The following ZNF804B variants were observed in gnomAD, a reference collection of about 807,000 sequenced individuals.
ZNF804B encodes zinc finger protein 804B.
In ZNF804B, 80 loss-of-function variants were observed where a neutral mutation model predicts 101.4. The observed-to-expected ratio is 0.79, with a 90% CI of 0.66 to 0.95. ZNF804B has a LOEUF of 0.95. Ranked by LOEUF, ZNF804B falls within the 40% of genes least tolerant of loss-of-function variation. The probability of loss-of-function intolerance (pLI) is 0.00; values close to 1 mark genes in which losing one functional copy is unlikely to be tolerated. For synonymous variants in ZNF804B, 622 were observed against 558.8 expected, an observed-to-expected ratio of 1.11 and a Z score of -1.59; for missense variants, 1,673 against 1,561.9, an observed-to-expected ratio of 1.07 and a Z score of -1.20.
intron 2 of ZNF804B, among the ~76,000 whole-genome samples, chr7:89,278,464 T>A (rs1343336175): frequency 6.6e-6 from 1 of 150,856 alleles, no homozygotes; most frequent in South Asian, 2.1e-4. Flanking sequence ...GGTTTTCTTC[T>A]AGGGTTTTTA....
intron 1 of ZNF804B, among the ~76,000 whole-genome samples, chr7:88,766,317 T>C (rs1789982885): frequency 6.6e-6 from 1 of 152,026 alleles, no homozygotes; most frequent in African/African-American, 2.4e-5. Context: ...GTCTCAAAAA[T>C]AAATAAATAA....
chr7:88,971,877 A>T (rs868176793), intron 1 of ZNF804B, among the ~76,000 whole-genome samples: 2 of 151,512 alleles, frequency 1.3e-5, no homozygotes, highest in Middle Eastern at 3.2e-3. Context: ...TACTCTAGGG[A>T]CCTGGAGTGG....
chr7:89,011,393 C>T (rs1330135035), intron 1 of ZNF804B, among the ~76,000 whole-genome samples: 2 of 152,112 alleles, frequency 1.3e-5, no homozygotes, highest in African/African-American at 4.8e-5. Flanking sequence ...CACAATGGTG[C>T]CCTACAAACA....
intron 1 of ZNF804B, among the ~76,000 whole-genome samples, chr7:88,984,213 G>C (rs1793729623): frequency 6.6e-6 from 1 of 152,054 alleles, no homozygotes; most frequent in African/African-American, 2.4e-5. Context: ...GTCTGCTTAA[G>C]TATGTATAAC....
At chr7:88,925,619 A>G (rs1792785770) in intron 1 of ZNF804B, among the ~76,000 whole-genome samples, 1 of 152,164 alleles carries the variant, frequency 6.6e-6, no homozygotes, top group Non-Finnish European at 1.5e-5. Flanking sequence ...GAAGAATACT[A>G]GGATATTAAA....
At chr7:89,271,069 G>A (rs1562932921) in intron 2 of ZNF804B, among the ~76,000 whole-genome samples, 2 of 152,256 alleles carry the variant, frequency 1.3e-5, no homozygotes, top group Admixed American at 1.3e-4. Context: ...TCTTTCTCCT[G>A]CCTGATTGTC....
intron 1 of ZNF804B, among the ~76,000 whole-genome samples, chr7:89,128,725 C>G (rs1257056492): frequency 6.6e-6 from 1 of 151,912 alleles, no homozygotes; most frequent in East Asian, 1.9e-4. Context: ...TTTCTCATCT[C>G]TCTGTTTTTT....
chr7:89,282,073 C>T (rs928037788), intron 2 of ZNF804B, among the ~76,000 whole-genome samples: 25 of 151,762 alleles, frequency 1.6e-4, no homozygotes, highest in Middle Eastern at 3.4e-3. Flanking sequence ...TGGTGGCGGG[C>T]GCCTGTAGTC....
At chr7:88,885,638 A>G (rs551354570) in intron 1 of ZNF804B, among the ~76,000 whole-genome samples, 1 of 150,570 alleles carries the variant, frequency 6.6e-6, no homozygotes, top group African/African-American at 2.4e-5. Flanking sequence ...TAAAAAGTCT[A>G]TTAGGAATTA....
rs182334708 is a variant in ZNF804B, at chr7:89,321,962, A to G, written c.250-5382A>G. Among the ~76,000 whole-genome samples, 6 of 152,294 alleles carry G rather than the reference A, an allele frequency of 3.9e-5. No individual in the cohort carries two copies. In the East Asian group the frequency reaches 5.8e-4, roughly 15 times the overall value. ...AGAGTATTTTGAGATGAAAAGTGGG[A>G]TATTTCATAGTTATAAAAAGTTAAC... On this transcript the variant is annotated intron_variant, in intron 2 of 3. Transcript: ENST00000333190.
At chr7:89,082,388 T>C (rs1037757101) in intron 1 of ZNF804B, among the ~76,000 whole-genome samples, 8 of 151,674 alleles carry the variant, frequency 5.3e-5, no homozygotes, top group Non-Finnish European at 8.9e-5. Context: ...TGTTTTTTTA[T>C]TATTTTTCTT....
chr7:89,219,644 G>A (rs1562919899), intron 2 of ZNF804B, among the ~76,000 whole-genome samples: 1 of 151,078 alleles, frequency 6.6e-6, no homozygotes, highest in East Asian at 1.9e-4. Flanking sequence ...CACCGACTGA[G>A]AAAAAAAATT....
intron 1 of ZNF804B, among the ~76,000 whole-genome samples, chr7:88,977,355 A>T (rs1040659465): frequency 6.6e-6 from 1 of 151,110 alleles, no homozygotes; most frequent in Non-Finnish European, 1.5e-5. Context: ...ATAAAATTTT[A>T]CAATGAAGCC....
chr7:89,117,200 G>T (rs1562888875), intron 1 of ZNF804B, among the ~76,000 whole-genome samples: 1 of 152,176 alleles, frequency 6.6e-6, no homozygotes, highest in Non-Finnish European at 1.5e-5. Context: ...TTTTGGCCAA[G>T]TGATACTGTT....
intron 1 of ZNF804B, among the ~76,000 whole-genome samples, chr7:88,871,045 T>C (rs1279496411): frequency 6.6e-6 from 1 of 152,218 alleles, no homozygotes; most frequent in Non-Finnish European, 1.5e-5. Context: ...TATTAAAAGA[T>C]TGATAATTCT....
intron 1 of ZNF804B, among the ~76,000 whole-genome samples, chr7:89,060,246 G>A (rs576913536): frequency 6.6e-5 from 10 of 152,098 alleles, no homozygotes; most frequent in Admixed American, 1.3e-4. Flanking sequence ...TATTGGTTCT[G>A]TCTCTCTGAA....
intron 2 of ZNF804B, among the ~76,000 whole-genome samples, chr7:89,270,498 C>A (rs1208844): frequency 2.6e-5 from 4 of 152,188 alleles, no homozygotes; most frequent in South Asian, 2.1e-4. Context: ...GTCAGGTAGT[C>A]TGATGCCTCC....
At chr7:88,952,717 A>G (rs1793243795) in intron 1 of ZNF804B, among the ~76,000 whole-genome samples, 1 of 151,842 alleles carries the variant, frequency 6.6e-6, no homozygotes, top group Non-Finnish European at 1.5e-5. Context: ...AGACACCGTA[A>G]TCTATAATTC....
intron 1 of ZNF804B, among the ~76,000 whole-genome samples, chr7:88,812,010 A>T (rs1366505811): frequency 6.6e-6 from 1 of 152,198 alleles, no homozygotes; most frequent in Admixed American, 6.5e-5. Context: ...TATACCATGT[A>T]ATATCTTTTG....
Sources: allele counts gnomAD v4.1 joint callset (sites outside exome capture counted in the v4.1 genomes callset), GRCh38; gene constraint gnomAD v4.1.1; transcripts MANE v1.5; gene names NCBI Gene and HGNC (gene_info 2026-07-23, HGNC 2026-07-21).